Variants in CELF2 observed in about 807,000 individuals in gnomAD.
CELF2 encodes the protein CUG triplet repeat RNA-binding protein 2.
CELF2 carries 8 observed loss-of-function variants against 62.6 expected under a neutral mutation model. That is an observed-to-expected ratio of 0.13 (90% CI 0.07 to 0.23). The LOEUF is 0.23. Ranked by LOEUF, CELF2 falls within the 10% of genes least tolerant of loss-of-function variation. The probability of loss-of-function intolerance (pLI) is 1.00; values close to 1 mark genes in which losing one functional copy is unlikely to be tolerated. For missense variants in CELF2, 333 were observed against 671.0 expected (o/e 0.50, Z 5.56); for synonymous variants, 258 against 250.0 (o/e 1.03, Z -0.30).
At chr10:10,684,022 G>A in the CELF2 span, among the ~76,000 whole-genome samples, 9 of 151,850 alleles carry the variant, frequency 5.9e-5, no homozygotes, top group Admixed American at 4.6e-4. Context: ...AAAAAAAATC[G>A]CACGTACTTT....
intron 1 of CELF2, among the ~76,000 whole-genome samples, chr10:10,858,906 CTA>C (rs1214860900): frequency 2.0e-5 from 3 of 152,172 alleles, no homozygotes; most frequent in African/African-American, 4.8e-5. Flanking sequence ...TGATAAAGCA[CTA>C]TGTACGCAGG....
At chr10:10,685,907 C>T in the CELF2 span, among the ~76,000 whole-genome samples, 1 of 152,118 alleles carries the variant, frequency 6.6e-6, no homozygotes, top group African/African-American at 2.4e-5. Flanking sequence ...TAATTGTTTC[C>T]TAGTCCTCTT....
At chr10:10,471,615 A>G in the CELF2 span, among the ~76,000 whole-genome samples, 1 of 151,686 alleles carries the variant, frequency 6.6e-6, no homozygotes, top group Non-Finnish European at 1.5e-5. Context: ...CTTTTGAGCT[A>G]TATATATAAT....
the CELF2 span, among the ~76,000 whole-genome samples, chr10:10,793,053 A>G: frequency 6.6e-6 from 1 of 152,242 alleles, no homozygotes; most frequent in Non-Finnish European, 1.5e-5. Context: ...TGTCAGACAC[A>G]TACGTGGACC....
intron 2 of CELF2, among the ~76,000 whole-genome samples, chr10:10,926,284 A>T (rs2065448191): frequency 6.6e-6 from 1 of 152,090 alleles, no homozygotes; most frequent in African/African-American, 2.4e-5. Context: ...GAGCGGATCA[A>T]TGCCACCGTA....
intron 1 of CELF2, among the ~76,000 whole-genome samples, chr10:10,916,988 A>C (rs1291715947): frequency 6.6e-6 from 1 of 151,262 alleles, no homozygotes; most frequent in Non-Finnish European, 1.5e-5. Context: ...CTAATTCAAC[A>C]TCAGTTTTTC....
intron 1 of CELF2, among the ~76,000 whole-genome samples, chr10:11,125,230 C>G (rs1357063526): frequency 6.6e-6 from 1 of 152,146 alleles, no homozygotes; most frequent in Non-Finnish European, 1.5e-5. Flanking sequence ...CCATACAAAC[C>G]AAACTCTCCA....
chr10:10,620,315 C>A, the CELF2 span, among the ~76,000 whole-genome samples: 1 of 151,678 alleles, frequency 6.6e-6, no homozygotes, highest in Non-Finnish European at 1.5e-5. Flanking sequence ...GAGGGATGGC[C>A]ACCTCAATTA....
At chr10:11,114,838 C>G (rs2056181169) in intron 1 of CELF2, among the ~76,000 whole-genome samples, 1 of 152,208 alleles carries the variant, frequency 6.6e-6, no homozygotes, top group Non-Finnish European at 1.5e-5. Context: ...ATTTTGAGTT[C>G]TGATCAACCA....
intron 2 of CELF2, among the ~76,000 whole-genome samples, chr10:10,965,257 T>C (rs954929780): frequency 6.6e-6 from 1 of 152,174 alleles, no homozygotes; most frequent in South Asian, 2.1e-4. Context: ...TTACTGTCCT[T>C]TCAGTTTTCT....
At chr10:10,536,317 C>T in the CELF2 span, among the ~76,000 whole-genome samples, 1 of 152,184 alleles carries the variant, frequency 6.6e-6, no homozygotes, top group Non-Finnish European at 1.5e-5. Flanking sequence ...CATGCCCAGA[C>T]AGCTTTTGGA....
intron 1 of CELF2, among the ~76,000 whole-genome samples, chr10:10,888,538 A>T (rs1306991088): frequency 6.6e-6 from 1 of 152,056 alleles, no homozygotes; most frequent in Non-Finnish European, 1.5e-5. Flanking sequence ...TACATAAAAG[A>T]TTTTTTGTGG....
In CELF2 at chr10:11,010,503, A is replaced by G. The variant is rs1418341935; in HGVS notation, c.53+5063A>G. On this transcript the variant is annotated intron_variant, in intron 1 of 12. Coordinates refer to the CELF2 transcript ENST00000416382. The surrounding 1 kb of genome is among the most constrained non-coding windows in gnomAD (Gnocchi z 4.1). Reference sequence around the variant, plus strand: ...ACTTATTAACAATCTACCTGGCACTACACTAACTGGTTACTTTGATCTTGT... The same window carrying G: ...ACTTATTAACAATCTACCTGGCACTGCACTAACTGGTTACTTTGATCTTGT... Among the ~76,000 whole-genome samples, 1 of 152,214 alleles carries G rather than the reference A, an allele frequency of 6.6e-6. No individual in the cohort carries two copies. The highest frequency in any genetic ancestry group is 1.5e-5 in the Non-Finnish European group (1 of 68,036).
rs949907617 is a variant in CELF2, at chr10:11,018,038, C to T, written c.-52C>T. The T allele has an allele frequency of 8.3e-7, 1 of 1,206,894 alleles. No homozygotes were observed. The highest frequency in any genetic ancestry group is 1.0e-6 in the Non-Finnish European group (1 of 961,670). 74.8% of individuals were successfully genotyped at this position (1,206,894 alleles called of 1,614,324 possible). On this transcript the variant is annotated 5_prime_UTR_variant, in exon 1 of 13. Coordinates refer to ENST00000633077, the MANE Select transcript of CELF2 (RefSeq NM_001326342.2). ...CCGTCTCGCGCCGCCCGCGGCCGCT[C>T]GGACGCGCGCAGAGCCGCCCCCCGC... is the stretch of plus-strand genomic sequence containing the variant.
intron 1 of CELF2, among the ~76,000 whole-genome samples, chr10:10,866,879 C>A (rs540639101): frequency 6.8e-6 from 1 of 146,316 alleles, no homozygotes; most frequent in Non-Finnish European, 1.5e-5. Context: ...GAGATCACAC[C>A]GTTGCACTCC....
the CELF2 span, among the ~76,000 whole-genome samples, chr10:10,619,902 G>A: frequency 2.6e-5 from 4 of 152,144 alleles, no homozygotes; most frequent in African/African-American, 7.2e-5. Flanking sequence ...GGGATACAGG[G>A]TTGAAGAGAC....
chr10:10,644,799 A>G, the CELF2 span, among the ~76,000 whole-genome samples: 1 of 152,288 alleles, frequency 6.6e-6, no homozygotes, highest in East Asian at 1.9e-4. Flanking sequence ...CTTCTGGCAA[A>G]TGCACTTTGG....
chr10:10,638,348 C>T, the CELF2 span, among the ~76,000 whole-genome samples: 7 of 147,304 alleles, frequency 4.8e-5, no homozygotes, highest in African/African-American at 1.8e-4. Context: ...CATGAACCCA[C>T]TCATTCACTT....
chr10:11,287,213 G>A (rs2091537620), intron 8 of CELF2, among the ~76,000 whole-genome samples: 1 of 152,244 alleles, frequency 6.6e-6, no homozygotes, highest in African/African-American at 2.4e-5. Context: ...GACCAGAGAA[G>A]AAGGTAAAAT....
Sources: gnomAD v4.1 joint callset for allele counts (sites outside exome capture counted in the v4.1 genomes callset) on GRCh38, gnomAD v4.1.1 for gene constraint, Gnocchi (gnomAD v3.1) non-coding constraint, MANE v1.5 for transcripts, NCBI Gene and HGNC (gene_info 2026-07-23, HGNC 2026-07-21) for gene names.